Variants in FAM13A observed in about 807,000 individuals in gnomAD.
The protein encoded by FAM13A is protein FAM13A.
In FAM13A, 76 loss-of-function variants were observed where a neutral mutation model predicts 129.6. The ratio of observed to expected loss-of-function variants is 0.59; its 90% confidence interval spans 0.49 to 0.71. FAM13A has a LOEUF of 0.71. Among genes scored for constraint, FAM13A ranks in the 30% least tolerant of loss-of-function variants. The pLI is 0.00. For synonymous variants in FAM13A, 443 were observed against 449.9 expected (o/e 0.98, Z 0.20); for missense variants, 1,108 against 1,249.3 (o/e 0.89, Z 1.70).
chr4:88,922,614 T>C (rs767048286), intron 5 of FAM13A, among the ~76,000 whole-genome samples: 1,807 of 151,858 alleles, frequency 0.012, 11 homozygotes, highest in Non-Finnish European at 0.018. Context: ...GATCCAAAAT[T>C]GACACTCTAA....
chr4:89,034,637 T>C (rs1365266584), intron 1 of FAM13A, among the ~76,000 whole-genome samples: 1 of 152,198 alleles, frequency 6.6e-6, no homozygotes, highest in Non-Finnish European at 1.5e-5. Context: ...ATCTCAGCAC[T>C]TTGGGAGGCC....
chr4:88,780,686 A>C (rs545010773), intron 11 of FAM13A, among the ~76,000 whole-genome samples: 1 of 152,308 alleles, frequency 6.6e-6, no homozygotes, highest in Non-Finnish European at 1.5e-5. Flanking sequence ...ACTTGGAAGA[A>C]AATACTTTAA....
In FAM13A at chr4:88,726,207, T is replaced by TGAC. The variant is rs1296294329; in HGVS notation, c.*2323_*2325dup. On this transcript the variant is annotated 3_prime_UTR_variant, in exon 24 of 24. Transcript: ENST00000264344. The stretch of plus-strand genomic sequence containing the variant: ...CTCCCTCGGCAGAGCCAGAAACCAC[T>TGAC]GACTGACTGACTAACAAACATTTCT... 6.6e-6 allele frequency: 1 copy of TGAC among 152,028 alleles called. No individual in the cohort carries two copies. The highest frequency in any genetic ancestry group is 1.5e-5 in the Non-Finnish European group (1 of 67,980). The allele number at this position is 152,028 out of a possible 1,614,324, so 9.4% of individuals were successfully genotyped here.
intron 10 of FAM13A, among the ~76,000 whole-genome samples, chr4:88,782,455 T>C (rs1723142243): frequency 1.3e-5 from 2 of 152,114 alleles, no homozygotes; most frequent in Admixed American, 1.3e-4. Flanking sequence ...TTGAAATAAA[T>C]GAATTCTAAA....
chr4:88,910,728 C>T (rs1748971800), intron 5 of FAM13A, among the ~76,000 whole-genome samples: 1 of 151,652 alleles, frequency 6.6e-6, no homozygotes, highest in Non-Finnish European at 1.5e-5. Flanking sequence ...CAGCTCACTG[C>T]AACTTCTGCC....
intron 4 of FAM13A, among the ~76,000 whole-genome samples, chr4:88,970,047 T>C (rs2178584): frequency 0.67 from 102,604 of 152,096 alleles, 34,648 homozygotes; most frequent in Middle Eastern, 0.79. Flanking sequence ...ATTTCAGTCA[T>C]AAAACAGTGC....
At chr4:88,760,927 T>C (rs1744706519) in intron 13 of FAM13A, among the ~76,000 whole-genome samples, 1 of 152,198 alleles carries the variant, frequency 6.6e-6, no homozygotes, top group Non-Finnish European at 1.5e-5. Context: ...AGATTTATAA[T>C]GCTTATTACC....
At chr4:88,757,235 A>C (rs1743848455) in intron 14 of FAM13A, among the ~76,000 whole-genome samples, 1 of 152,222 alleles carries the variant, frequency 6.6e-6, no homozygotes, top group African/African-American at 2.4e-5. Context: ...TGATAAATTT[A>C]TGACTAACCA....
At chr4:88,914,946 A>G (rs1749847713) in intron 5 of FAM13A, among the ~76,000 whole-genome samples, 1 of 152,234 alleles carries the variant, frequency 6.6e-6, no homozygotes, top group African/African-American at 2.4e-5. Flanking sequence ...GAGGATACAC[A>G]TAAAAGAAGC....
chr4:88,921,651 C>A (rs1341650889), intron 5 of FAM13A, among the ~76,000 whole-genome samples: 1 of 152,102 alleles, frequency 6.6e-6, no homozygotes, highest in Non-Finnish European at 1.5e-5. Context: ...AACTAACGAG[C>A]AAAATAATCA....
At chr4:88,771,896 G>C (rs751732850) in intron 11 of FAM13A, among the ~76,000 whole-genome samples, 1 of 152,136 alleles carries the variant, frequency 6.6e-6, no homozygotes, top group Non-Finnish European at 1.5e-5. Context: ...TAATTATAAA[G>C]ATAAACTCAA....
intron 5 of FAM13A, among the ~76,000 whole-genome samples, chr4:88,911,216 C>T (rs992670387): frequency 4.6e-5 from 7 of 152,168 alleles, no homozygotes; most frequent in Non-Finnish European, 7.3e-5. Context: ...TTCTTTCCTC[C>T]AGTCTCCAAT....
chr4:88,755,921 T>C (rs776201460), intron 14 of FAM13A, among the ~76,000 whole-genome samples: 7 of 152,206 alleles, frequency 4.6e-5, no homozygotes, highest in Non-Finnish European at 8.8e-5. Flanking sequence ...CCTTAAGTAG[T>C]AGGGACTACA....
chr4:88,900,777 G>A (rs1364640645), intron 6 of FAM13A, among the ~76,000 whole-genome samples: 1 of 152,080 alleles, frequency 6.6e-6, no homozygotes, highest in African/African-American at 2.4e-5. Context: ...ACAATGATAG[G>A]ATCAAATTCA....
chr4:89,021,964 G>GGAAAT (rs1767322843), intron 2 of FAM13A, among the ~76,000 whole-genome samples: 2 of 152,150 alleles, frequency 1.3e-5, no homozygotes, highest in African/African-American at 4.8e-5. Context: ...AGCTTAGTGT[G>GGAAAT]CTACACACCA....
intron 1 of FAM13A, among the ~76,000 whole-genome samples, chr4:89,049,576 GTTTTTC>G (rs1219663815): frequency 1.3e-5 from 2 of 152,158 alleles, no homozygotes; most frequent in Admixed American, 6.5e-5. Context: ...TTCAACAACT[GTTTTTC>G]TTTAGCATAT....
chr4:88,780,691 C>T (rs1005984209), intron 11 of FAM13A, among the ~76,000 whole-genome samples: 3 of 152,026 alleles, frequency 2.0e-5, no homozygotes, highest in Non-Finnish European at 4.4e-5. Flanking sequence ...GAAGAAAATA[C>T]TTTAAAAGAG....
intron 6 of FAM13A, among the ~76,000 whole-genome samples, chr4:88,874,694 T>C (rs1296990016): frequency 6.6e-6 from 1 of 152,128 alleles, no homozygotes; most frequent in Non-Finnish European, 1.5e-5. Flanking sequence ...AGAATCAATA[T>C]TGTGAAAATG....
At chr4:88,744,422 G>A (rs1222859351) in intron 19 of FAM13A, among the ~76,000 whole-genome samples, 1 of 152,138 alleles carries the variant, frequency 6.6e-6, no homozygotes, top group Non-Finnish European at 1.5e-5. Context: ...GTTTATATAT[G>A]TGTAACTCTG....
Sources: gnomAD v4.1 joint callset for allele counts (sites outside exome capture counted in the v4.1 genomes callset) on GRCh38, gnomAD v4.1.1 for gene constraint, MANE v1.5 for transcripts, NCBI Gene and HGNC (gene_info 2026-07-23, HGNC 2026-07-21) for gene names.